Variants in NWD2 observed in about 807,000 individuals in gnomAD.
The protein encoded by NWD2 is NACHT and WD repeat domain containing 2, also known as NACHT and WD repeat domain-containing protein 2.
NWD2 carries 37 observed loss-of-function variants against 132.7 expected under a neutral mutation model. That is an observed-to-expected ratio of 0.28 (90% CI 0.21 to 0.37). NWD2 has a LOEUF of 0.37. Among genes scored for constraint, NWD2 ranks in the 10% least tolerant of loss-of-function variants. The pLI is 1.00. For missense variants in NWD2, 1,592 were observed against 2,122.4 expected, an observed-to-expected ratio of 0.75 and a Z score of 4.91; for synonymous variants, 705 against 803.0, an observed-to-expected ratio of 0.88 and a Z score of 2.06.
intron 1 of NWD2, among the ~76,000 whole-genome samples, chr4:37,264,322 A>T (rs1428380356): frequency 6.6e-6 from 1 of 152,140 alleles, no homozygotes; most frequent in African/African-American, 2.4e-5. Flanking sequence ...CATTTGGTGG[A>T]TGTGTGATTT....
chr4:37,433,238 C>G (rs1405171837), intron 4 of NWD2, among the ~76,000 whole-genome samples: 1 of 152,140 alleles, frequency 6.6e-6, no homozygotes, highest in Non-Finnish European at 1.5e-5. Flanking sequence ...ACCTGATACC[C>G]CAAGAAACCA....
At chr4:37,293,769 G>A (rs778871730) in intron 1 of NWD2, among the ~76,000 whole-genome samples, 2 of 151,940 alleles carry the variant, frequency 1.3e-5, no homozygotes, top group Non-Finnish European at 2.9e-5. Flanking sequence ...AGGATTTAAA[G>A]TGTTTTCTTA....
intron 2 of NWD2, among the ~76,000 whole-genome samples, chr4:37,354,676 G>C (rs1719835354): frequency 6.6e-6 from 1 of 152,188 alleles, no homozygotes; most frequent in Non-Finnish European, 1.5e-5. Context: ...TCCACTGAGG[G>C]AGACACTTCC....
At chr4:37,417,310 A>G (rs1474220708) in intron 3 of NWD2, among the ~76,000 whole-genome samples, 2 of 152,072 alleles carry the variant, frequency 1.3e-5, no homozygotes, top group African/African-American at 4.8e-5. Context: ...GTTATACAAA[A>G]GAATAGATTG....
chr4:37,289,349 G>T (rs1718311633), intron 1 of NWD2, among the ~76,000 whole-genome samples: 1 of 152,038 alleles, frequency 6.6e-6, no homozygotes, highest in Admixed American at 6.6e-5. Flanking sequence ...ATACTAATGT[G>T]CCCACAACCA....
intron 2 of NWD2, among the ~76,000 whole-genome samples, chr4:37,343,089 G>A (rs189294295): frequency 2.7e-4 from 41 of 152,298 alleles, no homozygotes; most frequent in South Asian, 2.1e-4. Context: ...GGGGCAAGTC[G>A]TTCTACCCAG....
intron 2 of NWD2, among the ~76,000 whole-genome samples, chr4:37,334,281 A>T (rs755597215): frequency 1.2e-4 from 19 of 152,194 alleles, no homozygotes; most frequent in Non-Finnish European, 2.4e-4. Flanking sequence ...CTTTGCTTAA[A>T]AGTTTTTAAT....
intron 1 of NWD2, among the ~76,000 whole-genome samples, chr4:37,322,842 G>A (rs1253969261): frequency 6.6e-6 from 1 of 152,156 alleles, no homozygotes; most frequent in Non-Finnish European, 1.5e-5. Context: ...GTGTATTATA[G>A]AAAGAAAAGA....
intron 3 of NWD2, among the ~76,000 whole-genome samples, chr4:37,413,422 T>C (rs1298997854): frequency 6.6e-6 from 1 of 152,222 alleles, no homozygotes; most frequent in African/African-American, 2.4e-5. Flanking sequence ...CACAGTGAGA[T>C]ACCATCTCAC....
At chr4:37,405,033 A>G (rs768462380) in intron 3 of NWD2, among the ~76,000 whole-genome samples, 1 of 152,174 alleles carries the variant, frequency 6.6e-6, no homozygotes, top group Non-Finnish European at 1.5e-5. Flanking sequence ...GATCCAAACC[A>G]TATCAGGCAA....
intron 1 of NWD2, among the ~76,000 whole-genome samples, chr4:37,279,957 C>T (rs1269528999): frequency 6.6e-6 from 1 of 152,158 alleles, no homozygotes; most frequent in Non-Finnish European, 1.5e-5. Context: ...TGATTCCCAA[C>T]CTGGCATAAA....
In NWD2 at chr4:37,446,076, G is replaced by C; in HGVS notation, c.4088G>C (p.Cys1363Ser). Reference protein sequence around the residue: ...VFKHEGIVEHCVLTSTGDIMV... With the variant: ...VFKHEGIVEHSVLTSTGDIMV... ...AAGCATGAAGGAATAGTTGAACACT[G>C]TGTGTTAACATCCACCGGAGATATA... is the stretch of plus-strand genomic sequence containing the variant. Residue 1363 changes from cysteine to serine, a missense_variant, in exon 7 of 7, where the codon TGT (cysteine) becomes TCT (serine). Physicochemically the swap from Cys to Ser is moderately radical, Grantham distance 112 (BLOSUM62 -1). Coordinates refer to ENST00000309447, the MANE Select transcript of NWD2 (RefSeq NM_001144990.2). The surrounding 1 kb of genome is among the most constrained non-coding windows in gnomAD (Gnocchi z 6.7). The C allele has an allele frequency of 6.4e-7, 1 of 1,551,796 alleles. No individual in the cohort carries two copies. Among genetic ancestry groups the C allele is most frequent in the East Asian group, 2.4e-5 (1 of 40,924 alleles).
At chr4:37,282,542 T>C (rs1434150509) in intron 1 of NWD2, among the ~76,000 whole-genome samples, 1 of 150,898 alleles carries the variant, frequency 6.6e-6, no homozygotes, top group Non-Finnish European at 1.5e-5. Flanking sequence ...CCAGTCAGTC[T>C]GAATCCTTGC....
chr4:37,400,435 A>G (rs1386661544), intron 3 of NWD2, among the ~76,000 whole-genome samples: 1 of 152,228 alleles, frequency 6.6e-6, no homozygotes, highest in African/African-American at 2.4e-5. Context: ...GTGGTGACAT[A>G]TATTTCCTCC....
intron 3 of NWD2, among the ~76,000 whole-genome samples, chr4:37,386,515 A>G (rs1191012078): frequency 2.0e-5 from 3 of 152,128 alleles, no homozygotes; most frequent in African/African-American, 7.2e-5. Context: ...CTTAGCACTC[A>G]GGATCAACTG....
intron 1 of NWD2, among the ~76,000 whole-genome samples, chr4:37,312,690 G>A (rs988030452): frequency 6.6e-6 from 1 of 150,860 alleles, no homozygotes; most frequent in Admixed American, 6.6e-5. Flanking sequence ...GTGAGAGAGG[G>A]CATCCCTGTC....
At chr4:37,274,611 T>G (rs1242206821) in intron 1 of NWD2, among the ~76,000 whole-genome samples, 2 of 152,038 alleles carry the variant, frequency 1.3e-5, no homozygotes, top group African/African-American at 4.8e-5. Flanking sequence ...TACCAAAGCC[T>G]GGCAGAGACA....
chr4:37,290,372 C>T (rs1322593340), intron 1 of NWD2, among the ~76,000 whole-genome samples: 1 of 152,078 alleles, frequency 6.6e-6, no homozygotes, highest in Non-Finnish European at 1.5e-5. Flanking sequence ...GGGATATGGC[C>T]CTGAACAAGA....
chr4:37,296,762 T>G (rs986845664), intron 1 of NWD2, among the ~76,000 whole-genome samples: 3 of 152,134 alleles, frequency 2.0e-5, no homozygotes, highest in Non-Finnish European at 4.4e-5. Flanking sequence ...GGGTGACTCA[T>G]GCACCAAAAG....
Sources: allele counts gnomAD v4.1 joint callset (sites outside exome capture counted in the v4.1 genomes callset), GRCh38; gene constraint gnomAD v4.1.1; non-coding constraint Gnocchi (gnomAD v3.1); transcripts MANE v1.5; gene names NCBI Gene and HGNC (gene_info 2026-07-23, HGNC 2026-07-21).